The following CACNA1C variants were observed in gnomAD, a reference collection of about 807,000 sequenced individuals.
CACNA1C encodes calcium voltage-gated channel subunit alpha1 C.
A neutral mutation model predicts 229.0 loss-of-function variants in CACNA1C; 30 were observed. The ratio of observed to expected loss-of-function variants is 0.13; its 90% CI spans 0.10 to 0.18. CACNA1C has a LOEUF of 0.18. Among genes scored for constraint, CACNA1C ranks in the 10% least tolerant of loss-of-function variants. CACNA1C has a pLI of 1.00. For synonymous variants in CACNA1C, 1,114 were observed against 1,132.5 expected (o/e 0.98, Z 0.33); for missense variants, 1,658 against 2,845.0 (o/e 0.58, Z 9.49).
At chr12:2,480,712 A>G (rs1011520524) in intron 5 of CACNA1C, among the ~76,000 whole-genome samples, 1 of 152,208 alleles carries the variant, frequency 6.6e-6, no homozygotes, top group Admixed American at 6.5e-5. Flanking sequence ...CTCTTTTCCT[A>G]GTTCAGTGAT....
At chr12:2,318,005 G>C (rs972269592) in intron 3 of CACNA1C, among the ~76,000 whole-genome samples, 4 of 152,228 alleles carry the variant, frequency 2.6e-5, no homozygotes, top group Non-Finnish European at 4.4e-5. Flanking sequence ...CCTTCTGCCG[G>C]TGCTCAGAGG....
chr12:1,986,088 C>T (rs1430309439), intron 1 of CACNA1C, among the ~76,000 whole-genome samples: 13 of 152,226 alleles, frequency 8.5e-5, no homozygotes. Context: ...GCTGGGATTA[C>T]AGGCGTGAGC....
At chr12:2,119,743 C>T (rs932304398) in intron 2 of CACNA1C, among the ~76,000 whole-genome samples, 2 of 152,214 alleles carry the variant, frequency 1.3e-5, no homozygotes, top group East Asian at 3.8e-4. Flanking sequence ...CAGGACGGAC[C>T]CCCTGCCGTA....
rs2080408865 is a variant in CACNA1C, at chr12:2,108,954, G to T, written c.50-6270G>T. Among the ~76,000 whole-genome samples the T allele has an allele frequency of 6.6e-6, 1 of 152,202 alleles. No homozygotes were observed. The highest frequency in any genetic ancestry group is 1.5e-5 in the Non-Finnish European group (1 of 68,034). The stretch of plus-strand genomic sequence containing the variant: ...GACAGCAAGAGCCAAGTGGGCTTCT[G>T]GGTGACATGTTGGCCTGAGAGAAGG... On this transcript the variant is annotated intron_variant, in intron 1 of 46. Transcript: ENST00000399655. The surrounding 1 kb of genome is among the most constrained non-coding windows in gnomAD (Gnocchi z 5.3).
intron 1 of CACNA1C, among the ~76,000 whole-genome samples, chr12:1,998,318 C>G (rs537924581): frequency 1.8e-4 from 28 of 152,292 alleles, no homozygotes; most frequent in African/African-American, 6.5e-4. Context: ...GCCTTTTTCT[C>G]CTTCCACCAC....
rs1436587538 is a variant in CACNA1C, at chr12:2,403,544, T to G, written c.478-45432T>G. Among the ~76,000 whole-genome samples the G allele has an allele frequency of 6.6e-6, 1 of 152,206 alleles. No homozygotes were observed. The highest frequency in any genetic ancestry group is 2.4e-5 in the African/African-American group (1 of 41,448). On this transcript the variant is annotated intron_variant, in intron 3 of 46. Transcript: ENST00000399655. The surrounding 1 kb of genome is among the most constrained non-coding windows in gnomAD (Gnocchi z 4.1). ...TTCCTTTCCTTTCTTTTTTTAAAAT[T>G]CTTTAATTAAACTTTTTTGATTAAG... is the stretch of plus-strand genomic sequence containing the variant.
chr12:2,273,833 G>C (rs185055664), intron 3 of CACNA1C, among the ~76,000 whole-genome samples: 53 of 152,340 alleles, frequency 3.5e-4, no homozygotes, highest in Non-Finnish European at 4.9e-4. Flanking sequence ...GAGAACGGGA[G>C]GGGGTCAAGG....
intron 37 of CACNA1C, chr12:2,668,444 A>C (rs894120037): frequency 6.5e-6 from 1 of 153,758 alleles, no homozygotes; most frequent in Non-Finnish European, 1.4e-5. Context: ...CACCCCCAGC[A>C]TCCTCTGTGT....
At chr12:2,107,536 A>G (rs970065222) in intron 1 of CACNA1C, among the ~76,000 whole-genome samples, 1 of 152,192 alleles carries the variant, frequency 6.6e-6, no homozygotes, top group African/African-American at 2.4e-5. Context: ...GAGGGTTTCC[A>G]CCTCAGCTGG....
At chr12:2,112,125 T>C (rs373836190) in intron 1 of CACNA1C, among the ~76,000 whole-genome samples, 1 of 152,188 alleles carries the variant, frequency 6.6e-6, no homozygotes, top group South Asian at 2.1e-4. Context: ...CTGTGCCTGC[T>C]GCAGCAACCC....
intron 3 of CACNA1C, among the ~76,000 whole-genome samples, chr12:2,363,806 G>A (rs1014383592): frequency 4.6e-5 from 7 of 152,320 alleles, no homozygotes; most frequent in Admixed American, 1.3e-4. Flanking sequence ...GTAGGGGGAC[G>A]GTAAAGAATA....
rs545096838 is a variant in CACNA1C, at chr12:2,159,491, CAATA to C, written c.477+39081_477+39084del. On this transcript the variant is annotated intron_variant, in intron 3 of 46. Coordinates refer to ENST00000399655, the MANE Select transcript of CACNA1C (RefSeq NM_000719.7). The stretch of plus-strand genomic sequence containing the variant: ...CCTTGGGGACAGAGTGAGACCCTGT[CAATA>C]AATAAATAAATAAATAAATTAAATG... Among the ~76,000 whole-genome samples the C allele has an allele frequency of 4.7e-3, 699 of 150,262 alleles. 5 individuals are homozygous for C. The highest frequency in any genetic ancestry group is 0.016 in the African/African-American group (650 of 40,812).
intron 13 of CACNA1C, among the ~76,000 whole-genome samples, chr12:2,568,048 G>T (rs767382145): frequency 6.6e-6 from 1 of 152,186 alleles, no homozygotes; most frequent in Non-Finnish European, 1.5e-5. Flanking sequence ...TGGAAAAAAA[G>T]TCCAGAGGCA....
In CACNA1C at chr12:2,601,927, T is replaced by C. The variant is rs753423137; in HGVS notation, c.2927T>C (p.Val976Ala). 6.2e-7 allele frequency: 1 copy of C among 1,613,542 alleles called. No individual in the cohort carries two copies. Among genetic ancestry groups the C allele is most frequent in the Non-Finnish European group, 8.5e-7 (1 of 1,179,482 alleles). Residue 976 changes from valine to alanine, a missense_variant, in exon 22 of 47, where the codon GTG becomes GCG. Val to Ala is a moderately conservative substitution (Grantham distance 64, BLOSUM62 0). This residue lies in a region of CACNA1C where 39 missense variants were observed against 143.3 expected (regional missense o/e 0.27). Coordinates refer to ENST00000399655, the MANE Select transcript of CACNA1C (RefSeq NM_000719.7). This position sits in a 1 kb window ranked among gnomAD's most constrained non-coding sequence, Gnocchi z 5.9. Reference protein sequence around the residue: ...RNYFNILDLLVVSVSLISFGI... With the variant: ...RNYFNILDLLAVSVSLISFGI... The stretch of plus-strand genomic sequence containing the variant: ...TACTTCAACATCCTGGACCTGCTGG[T>C]GGTCAGCGTGTCCCTCATCTCCTTT...
intron 3 of CACNA1C, among the ~76,000 whole-genome samples, chr12:2,137,100 C>T (rs1255139136): frequency 1.3e-5 from 2 of 151,278 alleles, no homozygotes; most frequent in South Asian, 2.1e-4. Flanking sequence ...CCTCTCGTGC[C>T]GAGAGGCTCC....
At chr12:2,203,422 T>G (rs2097657592) in intron 3 of CACNA1C, among the ~76,000 whole-genome samples, 2 of 152,114 alleles carry the variant, frequency 1.3e-5, no homozygotes. Flanking sequence ...CCTTGAAGGT[T>G]TAGGATCCTT....
chr12:2,004,708 C>T (rs2043052566), intron 1 of CACNA1C: 2 of 469,118 alleles, frequency 4.3e-6, no homozygotes, highest in African/African-American at 2.0e-5. Context: ...TGTTTTTCTA[C>T]GCGCTCGAGC....
At chr12:2,191,594 ACTCACACACATGCG>A (rs1163854984) in intron 3 of CACNA1C, among the ~76,000 whole-genome samples, 7 of 152,118 alleles carry the variant, frequency 4.6e-5, no homozygotes, top group African/African-American at 9.7e-5. Context: ...ACACACATGC[ACTCACACACATGCG>A]CTCAGGCACA....
In CACNA1C at chr12:2,595,958, C is replaced by T; in HGVS notation, c.2748C>T (p.Ser916=). The stretch of plus-strand genomic sequence containing the variant: ...TCTTCATTCTGCTCAGCAGCATTTC[C>T]CTGGCTGCTGAGGACCCGGTCCAGC... ...ILFFILLSSI[S]LAAEDPVQHT... The change falls in exon 20 of 47, where the codon TCC becomes TCT. Residue 916 remains serine (S), a synonymous_variant. Transcript: ENST00000399655. The surrounding 1 kb of genome is among the most constrained non-coding windows in gnomAD (Gnocchi z 4.1). 3 of 1,613,288 alleles carry T rather than the reference C, an allele frequency of 1.9e-6. No homozygotes were observed. Among genetic ancestry groups the T allele is most frequent in the Non-Finnish European group, 2.5e-6 (3 of 1,179,440 alleles).
Sources: allele counts gnomAD v4.1 joint callset (sites outside exome capture counted in the v4.1 genomes callset), GRCh38; gene constraint gnomAD v4.1.1; regional missense constraint gnomAD v4.1.1; non-coding constraint Gnocchi (gnomAD v3.1); transcripts MANE v1.5; gene names NCBI Gene and HGNC (gene_info 2026-07-23, HGNC 2026-07-21).